TPTE2: variants seen among roughly 807,000 people sequenced by gnomAD.
TPTE2 encodes the protein phosphatidylinositol 3,4,5-trisphosphate 3-phosphatase TPTE2.
TPTE2 carries 53 observed loss-of-function variants against 78.6 expected under a neutral mutation model. The ratio of observed to expected loss-of-function variants is 0.67; its 90% CI spans 0.54 to 0.85. TPTE2 has a LOEUF of 0.85. Ranked by LOEUF, TPTE2 falls within the 40% of genes least tolerant of loss-of-function variation. TPTE2 has a pLI of 0.00. For missense variants in TPTE2, 461 were observed against 623.0 expected (o/e 0.74, Z 2.77); for synonymous variants, 175 against 206.2 (o/e 0.85, Z 1.30).
At chr13:19,503,200 A>G (rs1314107472) in intron 1 of TPTE2, 24 bp downstream of exon 4, 2 of 1,613,508 alleles carry the variant, frequency 1.2e-6, no homozygotes, top group East Asian at 4.5e-5. Context: ...TAGATAAATA[A>G]AGACACATGT....
chr13:19,532,726 C>T (rs1870962359), intron 1 of TPTE2, among the ~76,000 whole-genome samples: 1 of 152,170 alleles, frequency 6.6e-6, no homozygotes, highest in Non-Finnish European at 1.5e-5. Context: ...TTCATCCATT[C>T]TTCCACTCAC....
chr13:19,455,869 C>G (rs113855258), intron 10 of TPTE2, among the ~76,000 whole-genome samples: 1 of 151,872 alleles, frequency 6.6e-6, no homozygotes, highest in African/African-American at 2.4e-5. Context: ...TTTTAGCAAA[C>G]TAGAAATAAA....
At chr13:19,544,928 GCACACTCACACACA>G in the TPTE2 span, among the ~76,000 whole-genome samples, 43 of 107,212 alleles carry the variant, frequency 4.0e-4, no homozygotes, top group African/African-American at 1.5e-3. Flanking sequence ...ACACACACGT[GCACACTCACACACA>G]CACACACACA....
chr13:19,558,236 A>C, the TPTE2 span, among the ~76,000 whole-genome samples: 6 of 152,306 alleles, frequency 3.9e-5, no homozygotes, highest in Non-Finnish European at 8.8e-5. Flanking sequence ...GTATTAAATA[A>C]AAAGTATTAC....
At chr13:19,510,161 CATGAAGG>C (rs1182161817) in intron 1 of TPTE2, among the ~76,000 whole-genome samples, 1 of 152,136 alleles carries the variant, frequency 6.6e-6, no homozygotes, top group Non-Finnish European at 1.5e-5. Flanking sequence ...CTAAAACTGA[CATGAAGG>C]ATGATTTGAA....
At chr13:19,439,148 G>C (rs1877319889) in intron 13 of TPTE2, among the ~76,000 whole-genome samples, 1 of 152,120 alleles carries the variant, frequency 6.6e-6, no homozygotes, top group African/African-American at 2.4e-5. Flanking sequence ...CTAGGGCTGA[G>C]GGAGCTCAGA....
rs529862773 is a variant in TPTE2 at position 19,478,656 on chromosome 13, C to G, written c.180-3033G>C. ...ACCATTTGACCCAGCCATCCCATTA[C>G]TGGGTATATACCCAAAGGATTATAA... is the stretch of plus-strand genomic sequence containing the variant. On this transcript the variant is annotated intron_variant, in intron 4 of 19. Coordinates refer to ENST00000400230, the Ensembl canonical transcript of TPTE2. 6.6e-5 allele frequency among the ~76,000 whole-genome samples: 10 copies of G among 152,292 alleles called. No individual in the cohort carries two copies. In the East Asian group the frequency reaches 1.9e-3, roughly 29 times the overall value.
chr13:19,515,105 C>T (rs1036986940), intron 1 of TPTE2, among the ~76,000 whole-genome samples: 1 of 152,160 alleles, frequency 6.6e-6, no homozygotes, highest in African/African-American at 2.4e-5. Context: ...TATGAACATA[C>T]ATATTTTTAG....
At chr13:19,490,712 G>A (rs1457654051) in intron 3 of TPTE2, among the ~76,000 whole-genome samples, 2 of 152,214 alleles carry the variant, frequency 1.3e-5, no homozygotes, top group Non-Finnish European at 2.9e-5. Context: ...GGCAGGGCCT[G>A]CATACGATCT....
chr13:19,461,073 A>C (rs567531946), intron 10 of TPTE2, among the ~76,000 whole-genome samples: 2 of 152,250 alleles, frequency 1.3e-5, no homozygotes, highest in South Asian at 4.1e-4. Flanking sequence ...TGCATTGTCC[A>C]ATAAAATGGG....
intron 10 of TPTE2, among the ~76,000 whole-genome samples, chr13:19,454,690 G>A (rs1878430559): frequency 1.3e-5 from 2 of 152,174 alleles, no homozygotes; most frequent in African/African-American, 2.4e-5. Flanking sequence ...GGAGATAACA[G>A]TTTAATAACT....
At chr13:19,470,754 G>C (rs1468367743) in intron 6 of TPTE2, among the ~76,000 whole-genome samples, 2 of 151,462 alleles carry the variant, frequency 1.3e-5, no homozygotes, top group Non-Finnish European at 3.0e-5. Flanking sequence ...TTGAACTCCT[G>C]ACCTCCAGTA....
At chr13:19,560,796 T>C in the TPTE2 span, 4 of 1,484,110 alleles carry the variant, frequency 2.7e-6, no homozygotes, top group Non-Finnish European at 2.8e-6. Context: ...CTGGCACCGC[T>C]TGTACTCCCG....
At chr13:19,424,299 A>T (rs1317629268) in intron 19 of TPTE2, among the ~76,000 whole-genome samples, 1 of 152,246 alleles carries the variant, frequency 6.6e-6, no homozygotes, top group Non-Finnish European at 1.5e-5. Context: ...TATAGTGGAG[A>T]ACTTCTAGAC....
At chr13:19,554,633 C>T in the TPTE2 span, among the ~76,000 whole-genome samples, 1 of 152,092 alleles carries the variant, frequency 6.6e-6, no homozygotes. Context: ...CCTAAGAACA[C>T]AATTTCTGGG....
intron 4 of TPTE2, among the ~76,000 whole-genome samples, chr13:19,476,836 T>C (rs1413098446): frequency 6.6e-6 from 1 of 152,176 alleles, no homozygotes; most frequent in South Asian, 2.1e-4. Context: ...AGCAGAACTA[T>C]TTGACTGAGC....
At chr13:19,533,393 A>C (rs1424218335) in intron 1 of TPTE2, among the ~76,000 whole-genome samples, 2 of 152,236 alleles carry the variant, frequency 1.3e-5, no homozygotes, top group Non-Finnish European at 1.5e-5. Context: ...TGATAAAATG[A>C]CTTTAAAGAT....
At chr13:19,560,596 T>C in the TPTE2 span, 8 of 1,601,474 alleles carry the variant, frequency 5.0e-6, no homozygotes, top group East Asian at 1.6e-4. Flanking sequence ...GTCAAAGAGG[T>C]CACAGAGGGT....
At chr13:19,500,064 T>C (rs1310452143) in intron 1 of TPTE2, among the ~76,000 whole-genome samples, 2 of 151,284 alleles carry the variant, frequency 1.3e-5, no homozygotes, top group East Asian at 3.9e-4. Context: ...AATGGATAAA[T>C]TCCTCGACAC....
Sources: allele counts gnomAD v4.1 joint callset (sites outside exome capture counted in the v4.1 genomes callset), GRCh38; gene constraint gnomAD v4.1.1; transcripts MANE v1.5; gene names NCBI Gene and HGNC (gene_info 2026-07-23, HGNC 2026-07-21).